DGKI: variants seen among roughly 807,000 people sequenced by gnomAD.
DGKI encodes the protein diacylglycerol kinase iota, also known as DAG kinase iota.
DGKI carries 55 observed loss-of-function variants against 147.5 expected under a neutral mutation model. The observed-to-expected ratio is 0.37, with a 90% CI of 0.30 to 0.47. The LOEUF (loss-of-function observed/expected upper bound fraction) is 0.47. Among genes scored for constraint, DGKI ranks in the 20% least tolerant of loss-of-function variants. DGKI has a pLI of 1.00. For missense variants in DGKI, 1,007 were observed against 1,323.8 expected, an observed-to-expected ratio of 0.76 and a Z score of 3.71; for synonymous variants, 469 against 477.1, an observed-to-expected ratio of 0.98 and a Z score of 0.22.
chr7:137,403,360 C>A (rs1585080164), intron 30 of DGKI, among the ~76,000 whole-genome samples: 1 of 152,160 alleles, frequency 6.6e-6, no homozygotes, highest in African/African-American at 2.4e-5. Flanking sequence ...CAGAACATAC[C>A]GCAGATCTCA....
chr7:137,729,906 C>T (rs141521543), intron 1 of DGKI, among the ~76,000 whole-genome samples: 77 of 152,198 alleles, frequency 5.1e-4, no homozygotes, highest in African/African-American at 1.8e-3. Context: ...TCATCTTGCT[C>T]GTTGACACTG....
At chr7:137,499,845 T>A (rs768108661) in intron 21 of DGKI, among the ~76,000 whole-genome samples, 17 of 152,116 alleles carry the variant, frequency 1.1e-4, no homozygotes, top group Non-Finnish European at 2.1e-4. Context: ...CTGTTACATA[T>A]CTACATATCC....
intron 19 of DGKI, among the ~76,000 whole-genome samples, chr7:137,561,001 T>C (rs1818400634): frequency 6.6e-6 from 1 of 152,126 alleles, no homozygotes; most frequent in Non-Finnish European, 1.5e-5. Context: ...ACAATCACCA[T>C]GGAGAGGAAT....
chr7:137,825,191 C>T (rs544238499), intron 1 of DGKI, among the ~76,000 whole-genome samples: 2 of 152,278 alleles, frequency 1.3e-5, no homozygotes, highest in South Asian at 2.1e-4. Context: ...TTATATATTA[C>T]TTTGGTTAAA....
chr7:137,631,095 C>A (rs1199499932), intron 6 of DGKI, among the ~76,000 whole-genome samples: 1 of 152,190 alleles, frequency 6.6e-6, no homozygotes, highest in African/African-American at 2.4e-5. Flanking sequence ...AACATATAAT[C>A]TTGCCGATGG....
intron 1 of DGKI, among the ~76,000 whole-genome samples, chr7:137,754,637 A>T (rs957738369): frequency 6.6e-6 from 1 of 152,340 alleles, no homozygotes; most frequent in Non-Finnish European, 1.5e-5. Context: ...TGGATAATTG[A>T]TAGCATGTCA....
intron 1 of DGKI, among the ~76,000 whole-genome samples, chr7:137,760,339 T>C (rs1795819970): frequency 6.6e-6 from 1 of 152,328 alleles, no homozygotes; most frequent in Admixed American, 6.5e-5. Flanking sequence ...CCTGTTGTCA[T>C]GGTTACTCTA....
intron 29 of DGKI, among the ~76,000 whole-genome samples, chr7:137,409,655 T>C (rs1812089317): frequency 6.6e-6 from 1 of 152,242 alleles, no homozygotes; most frequent in South Asian, 2.1e-4. Context: ...TGTCTTAAAA[T>C]GACACTCCCT....
intron 8 of DGKI, among the ~76,000 whole-genome samples, chr7:137,616,814 C>A (rs998120449): frequency 1.3e-5 from 2 of 151,708 alleles, no homozygotes; most frequent in Admixed American, 1.3e-4. Flanking sequence ...TGAAAACTTA[C>A]AAATAAAGGC....
At position 137,665,210 on chromosome 7, in the gene DGKI, G is replaced by A. The variant is rs370455587; in HGVS notation, c.607-8670C>T. Among the ~76,000 whole-genome samples, 93 of 152,260 alleles carry A rather than the reference G, an allele frequency of 6.1e-4. 1 individual carries two copies. The highest frequency in any genetic ancestry group is 2.0e-3 in the African/African-American group (82 of 41,544). Reference sequence around the variant, plus strand: ...TCAAGGGTCACAGTGATAATTTCCCGTATGAGGTGATGGGGGCCTGAACTG... The same window carrying A: ...TCAAGGGTCACAGTGATAATTTCCCATATGAGGTGATGGGGGCCTGAACTG... On this transcript the variant is annotated intron_variant, in intron 3 of 32. Transcript: ENST00000614521.
chr7:137,767,536 A>G (rs1317146056), intron 1 of DGKI, among the ~76,000 whole-genome samples: 1 of 136,506 alleles, frequency 7.3e-6, no homozygotes, highest in African/African-American at 3.0e-5. Flanking sequence ...AGAAGAGTAG[A>G]GTAGGAGGAA....
chr7:137,455,706 G>A (rs948734646), intron 27 of DGKI, among the ~76,000 whole-genome samples: 1 of 151,314 alleles, frequency 6.6e-6, no homozygotes, highest in Non-Finnish European at 1.5e-5. Flanking sequence ...AGCATGGTGT[G>A]GAGATATCTC....
intron 19 of DGKI, among the ~76,000 whole-genome samples, chr7:137,569,687 C>T (rs1334455491): frequency 8.1e-6 from 1 of 124,088 alleles, no homozygotes; most frequent in Admixed American, 1.0e-4. Context: ...CGAAATTGCT[C>T]CACTGCACTC....
Position 137,519,907 on chromosome 7 carries a change from G to GAATA in DGKI, c.2248+1955_2248+1958dup, listed in dbSNP as rs1816905690. 2.6e-5 allele frequency among the ~76,000 whole-genome samples: 4 copies of GAATA among 151,994 alleles called. No homozygotes were observed. The South Asian group carries it at 8.3e-4, about 32-fold the overall frequency. On this transcript the variant is annotated intron_variant, in intron 21 of 32. Coordinates refer to ENST00000614521, the MANE Select transcript of DGKI (RefSeq NM_001321708.2). ...ATTGGAATGAATTTTTACATCTTTA[G>GAATA]AATAACTCCTTTATCCCCTTTTAGA...
At chr7:137,620,031 A>ACT in intron 7 of DGKI, 91 bp from the exon 8 acceptor site, 1 of 739,298 alleles carries the variant, frequency 1.4e-6, no homozygotes, top group South Asian at 1.6e-5. Flanking sequence ...ACACACACAC[A>ACT]CACACACACA....
chr7:137,767,554 A>AGTAGGAG (rs1004136919), intron 1 of DGKI, among the ~76,000 whole-genome samples: 1 of 148,278 alleles, frequency 6.7e-6, no homozygotes, highest in African/African-American at 2.6e-5. Context: ...GAAGAGGAAG[A>AGTAGGAG]GAAGAGAAGA....
intron 17 of DGKI, among the ~76,000 whole-genome samples, chr7:137,573,756 G>A (rs1432625466): frequency 6.6e-6 from 1 of 152,118 alleles, no homozygotes; most frequent in Non-Finnish European, 1.5e-5. Context: ...TTTAGACCTG[G>A]GAATCAAGGG....
intron 1 of DGKI, among the ~76,000 whole-genome samples, chr7:137,845,217 C>A (rs1798674607): frequency 6.6e-6 from 1 of 152,212 alleles, no homozygotes; most frequent in Admixed American, 6.5e-5. Flanking sequence ...GAAGTCAACA[C>A]TTAGACACAG....
At chr7:137,673,444 C>G (rs371553286) in intron 3 of DGKI, among the ~76,000 whole-genome samples, 3 of 152,154 alleles carry the variant, frequency 2.0e-5, no homozygotes, top group African/African-American at 7.2e-5. Context: ...GTGGTACATC[C>G]AGAATGGGAA....
Sources: allele counts gnomAD v4.1 joint callset (sites outside exome capture counted in the v4.1 genomes callset), GRCh38; gene constraint gnomAD v4.1.1; transcripts MANE v1.5; gene names NCBI Gene and HGNC (gene_info 2026-07-23, HGNC 2026-07-21).